Variants in PRKG1 observed in about 807,000 individuals in gnomAD.
PRKG1 encodes the protein cGMP-dependent protein kinase 1.
Under a neutral mutation model 88.1 loss-of-function variants are expected in PRKG1, and 35 were observed. The observed-to-expected ratio is 0.40, with a 90% confidence interval of 0.30 to 0.53. The LOEUF (loss-of-function observed/expected upper bound fraction) is 0.53. PRKG1 is among the 20% of genes least tolerant of loss of function. The pLI is 0.59. For synonymous variants in PRKG1, 303 were observed against 292.5 expected, an observed-to-expected ratio of 1.04 and a Z score of -0.37; for missense variants, 540 against 839.8, an observed-to-expected ratio of 0.64 and a Z score of 4.41.
chr10:51,214,378 C>T (rs1427963944), intron 2 of PRKG1, among the ~76,000 whole-genome samples: 1 of 152,186 alleles, frequency 6.6e-6, no homozygotes, highest in Non-Finnish European at 1.5e-5. Context: ...GTTAGGTTAC[C>T]AGGGCATGGA....
intron 3 of PRKG1, chr10:51,568,302 A>C (rs1837659644): frequency 6.6e-6 from 1 of 152,144 alleles, no homozygotes; most frequent in African/African-American, 2.4e-5. Flanking sequence ...AATTTGATTG[A>C]TGAGGATCCG....
At chr10:52,272,978 C>T (rs116719512) in intron 12 of PRKG1, among the ~76,000 whole-genome samples, 81 of 152,014 alleles carry the variant, frequency 5.3e-4, no homozygotes, top group African/African-American at 1.9e-3. Flanking sequence ...AGTTTCCAGC[C>T]ATCTCTTTAT....
intron 3 of PRKG1, among the ~76,000 whole-genome samples, chr10:51,639,436 C>CAAAAAAAAAAAAAA (rs769304908): frequency 3.1e-5 from 1 of 31,796 alleles, no homozygotes; most frequent in African/African-American, 1.8e-4. Flanking sequence ...GACTCCATCT[C>CAAAAAAAAAAAAAA]AAAAAAAAAA....
intron 1 of PRKG1, among the ~76,000 whole-genome samples, chr10:51,047,658 CTT>C (rs1049227146): frequency 3.4e-5 from 5 of 148,938 alleles, no homozygotes; most frequent in African/African-American, 1.2e-4. Flanking sequence ...CATCACAAGA[CTT>C]CAGTCCTCCA....
At chr10:52,179,190 T>C (rs1838945670) in intron 9 of PRKG1, among the ~76,000 whole-genome samples, 1 of 152,142 alleles carries the variant, frequency 6.6e-6, no homozygotes, top group African/African-American at 2.4e-5. Flanking sequence ...GTGACTTTTA[T>C]AGTGTTGCAT....
intron 4 of PRKG1, among the ~76,000 whole-genome samples, chr10:51,808,439 T>C (rs911088579): frequency 4.0e-5 from 6 of 151,690 alleles, no homozygotes; most frequent in Non-Finnish European, 8.8e-5. Context: ...CTGCAAAAAA[T>C]AGAAAAATAG....
At chr10:51,445,481 A>G (rs1300805116) in intron 2 of PRKG1, among the ~76,000 whole-genome samples, 1 of 151,912 alleles carries the variant, frequency 6.6e-6, no homozygotes, top group Non-Finnish European at 1.5e-5. Flanking sequence ...TCCATACTTT[A>G]GTTTACAAAA....
chr10:51,680,460 AT>A (rs1840824508), intron 3 of PRKG1, among the ~76,000 whole-genome samples: 1 of 151,964 alleles, frequency 6.6e-6, no homozygotes, highest in East Asian at 1.9e-4. Context: ...TTGTCCAATT[AT>A]TTTTTCAAAA....
At chr10:51,372,493 C>T (rs113199624) in intron 2 of PRKG1, among the ~76,000 whole-genome samples, 9 of 152,234 alleles carry the variant, frequency 5.9e-5, no homozygotes, top group Non-Finnish European at 1.2e-4. Context: ...ATTTCCTTAT[C>T]ACTCTTTTTA....
intron 3 of PRKG1, chr10:51,697,451 T>C (rs1470194212): frequency 6.0e-6 from 3 of 498,168 alleles, no homozygotes; most frequent in Non-Finnish European, 1.1e-5. Context: ...TTATTTGGCA[T>C]AATATAATCA....
intron 3 of PRKG1, among the ~76,000 whole-genome samples, chr10:51,547,105 G>A (rs557957148): frequency 2.0e-4 from 30 of 152,054 alleles, no homozygotes; most frequent in African/African-American, 7.0e-4. Context: ...TCACAGACAG[G>A]TTTTATATTC....
chr10:52,094,300 T>C (rs571655286), intron 7 of PRKG1, among the ~76,000 whole-genome samples: 23 of 152,296 alleles, frequency 1.5e-4, no homozygotes, highest in African/African-American at 5.3e-4. Flanking sequence ...GTTTTCATTC[T>C]TCCTCATTTG....
chr10:51,355,967 A>C (rs569981903), intron 2 of PRKG1, among the ~76,000 whole-genome samples: 1 of 152,184 alleles, frequency 6.6e-6, no homozygotes, highest in East Asian at 1.9e-4. Flanking sequence ...GAGCTACAGC[A>C]CTGCTAATGT....
In PRKG1 at chr10:51,231,336, A is replaced by T. The variant is rs1026469605; in HGVS notation, c.478+78006A>T. Among the ~76,000 whole-genome samples, 38 of 152,192 alleles carry T rather than the reference A, an allele frequency of 2.5e-4. 1 individual carries two copies. Among genetic ancestry groups the T allele is most frequent in the Non-Finnish European group, 4.4e-5 (3 of 68,032 alleles). On this transcript the variant is annotated intron_variant, in intron 2 of 17. Transcript: ENST00000373980. ...GTACTGAGCACATTAAAATAGACCCAGTCAAAGCTGCATACAGCTTCAATA... is the reference window on the plus strand; with the variant it reads ...GTACTGAGCACATTAAAATAGACCCTGTCAAAGCTGCATACAGCTTCAATA...
rs561545382 is a variant in PRKG1, at chr10:51,123,546, C to T, written c.312-29618C>T. 3.3e-5 allele frequency among the ~76,000 whole-genome samples: 5 copies of T among 152,042 alleles called. No homozygotes were observed. The East Asian group carries it at 5.8e-4, about 18-fold the overall frequency. ...ACTAAAAATACAAAAATTAGCCAGG[C>T]GTGATGGTGGGTTCCTGTAATCCCA... On this transcript the variant is annotated intron_variant, in intron 1 of 17. Transcript: ENST00000373980.
At chr10:50,996,422 A>G (rs1842837913) in intron 1 of PRKG1, among the ~76,000 whole-genome samples, 1 of 152,236 alleles carries the variant, frequency 6.6e-6, no homozygotes, top group African/African-American at 2.4e-5. Context: ...AATAGGAAGA[A>G]ATGAACCTTC....
intron 2 of PRKG1, among the ~76,000 whole-genome samples, chr10:51,374,199 C>CTATGTTACG (rs1842769734): frequency 6.6e-6 from 1 of 150,974 alleles, no homozygotes; most frequent in Non-Finnish European, 1.5e-5. Context: ...AACCTGTCAT[C>CTATGTTACG]TATGTTACGT....
chr10:51,389,587 G>C (rs1837346036), intron 2 of PRKG1, among the ~76,000 whole-genome samples: 1 of 151,920 alleles, frequency 6.6e-6, no homozygotes, highest in Admixed American at 6.6e-5. Flanking sequence ...CTACTTGGTG[G>C]GTGTCCCATC....
chr10:51,985,045 T>C (rs1844117623), intron 5 of PRKG1, among the ~76,000 whole-genome samples: 1 of 152,210 alleles, frequency 6.6e-6, no homozygotes, highest in Non-Finnish European at 1.5e-5. Context: ...ATTTTATAAA[T>C]ACCATAGGAC....
Sources: gnomAD v4.1 joint callset for allele counts (sites outside exome capture counted in the v4.1 genomes callset) on GRCh38, gnomAD v4.1.1 for gene constraint, MANE v1.5 for transcripts, NCBI Gene and HGNC (gene_info 2026-07-23, HGNC 2026-07-21) for gene names.